Variants in NFIB observed in about 807,000 individuals in gnomAD.
The protein encoded by NFIB is nuclear factor 1 B-type.
A neutral mutation model predicts 61.5 loss-of-function variants in NFIB; 11 were observed. That is an observed-to-expected ratio of 0.18 (90% CI 0.11 to 0.30). The LOEUF (loss-of-function observed/expected upper bound fraction) is 0.30. Ranked by LOEUF, NFIB falls within the 10% of genes least tolerant of loss-of-function variation. The pLI, the probability that NFIB is intolerant of heterozygous loss-of-function variation, is 1.00. For missense variants in NFIB, 471 were observed against 608.9 expected (o/e 0.77, Z 2.38); for synonymous variants, 260 against 216.5 (o/e 1.20, Z -1.76).
chr9:14,424,623 G>C, the NFIB span, among the ~76,000 whole-genome samples: 1,708 of 152,248 alleles, frequency 0.011, 39 homozygotes, highest in African/African-American at 0.039. Context: ...TTAAGGACAA[G>C]AGTTTAATTT....
intron 10 of NFIB, among the ~76,000 whole-genome samples, chr9:14,106,727 C>T (rs1485499713): frequency 6.6e-6 from 1 of 152,098 alleles, no homozygotes; most frequent in African/African-American, 2.4e-5. Context: ...TTGCTTGTGA[C>T]TTCAGACTAA....
the NFIB span, among the ~76,000 whole-genome samples, chr9:14,414,725 T>G: frequency 6.6e-6 from 1 of 152,130 alleles, no homozygotes; most frequent in Non-Finnish European, 1.5e-5. Context: ...CATTTATTAT[T>G]CATTTTAAAG....
intron 10 of NFIB, among the ~76,000 whole-genome samples, chr9:14,090,243 C>T (rs1456356205): frequency 1.3e-5 from 2 of 152,044 alleles, no homozygotes; most frequent in Non-Finnish European, 2.9e-5. Context: ...ACTAAAAAGA[C>T]ACGTCCTCAA....
At chr9:14,143,458 T>A (rs979227129) in intron 6 of NFIB, among the ~76,000 whole-genome samples, 1 of 152,164 alleles carries the variant, frequency 6.6e-6, no homozygotes, top group Non-Finnish European at 1.5e-5. Flanking sequence ...ATAATTTTGT[T>A]ATCTTTGATT....
At chr9:14,213,245 G>A (rs1272814368) in intron 2 of NFIB, among the ~76,000 whole-genome samples, 1 of 152,172 alleles carries the variant, frequency 6.6e-6, no homozygotes, top group Non-Finnish European at 1.5e-5. Context: ...TCCACCAGTA[G>A]GTTGATCTTT....
intron 2 of NFIB, among the ~76,000 whole-genome samples, chr9:14,270,548 T>C (rs1350630526): frequency 1.9e-5 from 2 of 106,354 alleles, no homozygotes; most frequent in East Asian, 5.5e-4. Flanking sequence ...TGAAGGGGAG[T>C]GAGAGATGAG....
At chr9:14,480,663 T>A in the NFIB span, among the ~76,000 whole-genome samples, 1 of 152,120 alleles carries the variant, frequency 6.6e-6, no homozygotes, top group East Asian at 1.9e-4. Flanking sequence ...TTGAAACAAG[T>A]TCCACGCTGG....
the NFIB span, among the ~76,000 whole-genome samples, chr9:14,502,131 C>G: frequency 6.6e-6 from 1 of 152,186 alleles, no homozygotes. Flanking sequence ...TTAGAAAGGA[C>G]GTATGATGCA....
chr9:14,355,316 G>A (rs1186135043), intron 1 of NFIB, among the ~76,000 whole-genome samples: 1 of 152,166 alleles, frequency 6.6e-6, no homozygotes, highest in African/African-American at 2.4e-5. Flanking sequence ...AGACGGAGTA[G>A]GTAGCCATCT....
intron 2 of NFIB, among the ~76,000 whole-genome samples, chr9:14,302,907 A>G (rs2059824178): frequency 1.3e-5 from 2 of 152,216 alleles, no homozygotes; most frequent in Admixed American, 1.3e-4. Context: ...TTAACTGAAA[A>G]GCAATATTAA....
chr9:14,195,888 T>C (rs938971678), intron 2 of NFIB, among the ~76,000 whole-genome samples: 1 of 151,590 alleles, frequency 6.6e-6, no homozygotes, highest in Non-Finnish European at 1.5e-5. Flanking sequence ...AGAAAATGTT[T>C]TTTAAACTTT....
At chr9:14,212,733 TA>T (rs565132924) in intron 2 of NFIB, among the ~76,000 whole-genome samples, 13 of 152,136 alleles carry the variant, frequency 8.5e-5, no homozygotes, top group Non-Finnish European at 1.6e-4. Context: ...AGTTATATGA[TA>T]AAAAAATACT....
At chr9:14,089,529 A>G (rs10961378) in intron 10 of NFIB, among the ~76,000 whole-genome samples, 8,146 of 152,214 alleles carry the variant, frequency 0.054, 615 homozygotes, top group East Asian at 0.35. Context: ...TGCCTGTTCC[A>G]ACACTCAAAT....
At chr9:14,319,241 T>C (rs2132808778) in intron 1 of NFIB, among the ~76,000 whole-genome samples, 1 of 151,856 alleles carries the variant, frequency 6.6e-6, no homozygotes, top group Admixed American at 6.6e-5. Flanking sequence ...CTAGCATATT[T>C]ACAAGTTATA....
At chr9:14,236,557 C>T (rs889411584) in intron 2 of NFIB, among the ~76,000 whole-genome samples, 3 of 152,218 alleles carry the variant, frequency 2.0e-5, no homozygotes, top group African/African-American at 7.2e-5. Flanking sequence ...AGATCACACT[C>T]ATCCGTGCTG....
chr9:14,155,933 A>G, intron 3 of NFIB, 40 bp from the exon 4 acceptor site: 2 of 1,273,886 alleles, frequency 1.6e-6, no homozygotes, highest in Non-Finnish European at 2.2e-6. Flanking sequence ...CAATATAAGC[A>G]GAAAGTAAAA....
the NFIB span, among the ~76,000 whole-genome samples, chr9:14,526,710 A>G: frequency 2.0e-5 from 3 of 152,224 alleles, no homozygotes; most frequent in Middle Eastern, 3.2e-3. Context: ...ATAGTGATTG[A>G]CATCATTCAG....
At chr9:14,146,893 CTG>C in intron 5 of NFIB, 86 bp from the exon 6 acceptor site, 1 of 1,544,592 alleles carries the variant, frequency 6.5e-7, no homozygotes, top group Non-Finnish European at 8.7e-7. Flanking sequence ...AAGATCCTTA[CTG>C]TGAAAATTTT....
At chr9:14,151,039 T>G (rs74439287) in intron 4 of NFIB, among the ~76,000 whole-genome samples, 10 of 152,222 alleles carry the variant, frequency 6.6e-5, no homozygotes, top group Non-Finnish European at 1.3e-4. Context: ...TCTTGAGAGA[T>G]AAATAGCCTT....
Sources: allele counts gnomAD v4.1 joint callset (sites outside exome capture counted in the v4.1 genomes callset), GRCh38; gene constraint gnomAD v4.1.1; transcripts MANE v1.5; gene names NCBI Gene and HGNC (gene_info 2026-07-23, HGNC 2026-07-21).